Variants in ARL10 observed in about 807,000 individuals in gnomAD.
The protein encoded by ARL10 is ARF like GTPase 10.
In ARL10, 23 loss-of-function variants were observed where a neutral mutation model predicts 26.1. That is an observed-to-expected ratio of 0.88 (90% CI 0.63 to 1.25). The LOEUF is 1.25. ARL10 is among the 50% of genes most tolerant of loss of function. The probability of loss-of-function intolerance (pLI) is 0.00; values close to 1 mark genes in which losing one functional copy is unlikely to be tolerated. For synonymous variants in ARL10, 138 were observed against 149.1 expected (o/e 0.93, Z 0.54); for missense variants, 300 against 323.6 (o/e 0.93, Z 0.56).
intron 1 of ARL10, among the ~76,000 whole-genome samples, chr5:176,401,470 C>A (rs187401285): frequency 6.6e-6 from 1 of 152,208 alleles, no homozygotes; most frequent in Non-Finnish European, 1.5e-5. Flanking sequence ...GAATCCTGAA[C>A]GTCACTTCAC....
At chr5:176,366,893 C>T (rs1289473956) in intron 2 of ARL10, among the ~76,000 whole-genome samples, 1 of 152,134 alleles carries the variant, frequency 6.6e-6, no homozygotes, top group Admixed American at 6.5e-5. Flanking sequence ...TAAGAAAACT[C>T]CCCTAAACAA....
At chr5:176,384,726 C>T (rs1755697011), downstream of ARL10, 2 of 367,248 alleles carry the variant, frequency 5.4e-6, no homozygotes, top group South Asian at 4.5e-5. Flanking sequence ...GCCATGATCA[C>T]ACCACTGAAC....
rs905843995 is a variant in ARL10 at position 176,374,031 on chromosome 5, G to A, written c.*2136G>A. The A allele has an allele frequency of 2.0e-5, 3 of 152,110 alleles. No homozygotes were observed. Among genetic ancestry groups the A allele is most frequent in the South Asian group, 2.1e-4 (1 of 4,834 alleles). The allele number at this position is 152,110 out of a possible 1,614,324, so 9.4% of individuals were successfully genotyped here. On this transcript the variant is annotated 3_prime_UTR_variant, in exon 4 of 4. Transcript: ENST00000310389. ...AGCCAGAGAAACGAAAATAACTTAGGTTGCCTGATTGGCTGCAGTCTGGCA... is the reference window on the plus strand; with the variant it reads ...AGCCAGAGAAACGAAAATAACTTAGATTGCCTGATTGGCTGCAGTCTGGCA...
chr5:176,412,508 T>G, the ARL10 span, among the ~76,000 whole-genome samples: 2 of 152,274 alleles, frequency 1.3e-5, no homozygotes, highest in East Asian at 3.9e-4. Context: ...TCTGCAAGGC[T>G]CTCAGAAACT....
At chr5:176,367,200 G>C (rs1416936700) in intron 2 of ARL10, among the ~76,000 whole-genome samples, 3 of 151,880 alleles carry the variant, frequency 2.0e-5, no homozygotes, top group Non-Finnish European at 4.4e-5. Flanking sequence ...TAGAGACGGG[G>C]GTTTCACCAC....
At chr5:176,406,522 G>A (rs1014045198), downstream of ARL10, 3 of 1,252,492 alleles carry the variant, frequency 2.4e-6, no homozygotes, top group African/African-American at 1.6e-5. Context: ...AAGCTAAAAG[G>A]AGGATGATGG....
At chr5:176,384,781 C>T, downstream of ARL10, 1 of 369,864 alleles carries the variant, frequency 2.7e-6, no homozygotes, top group Non-Finnish European at 4.8e-6. Flanking sequence ...AAAAAAAGAC[C>T]AGGAAGGCCT....
At chr5:176,388,350 G>A in exon 2 of ARL10, 3 of 1,613,634 alleles carry the variant, frequency 1.9e-6, no homozygotes, top group Non-Finnish European at 2.5e-6. Context: ...GGAGCTACCG[G>A]CAAAGAGAGA....
At chr5:176,388,579 C>A in exon 2 of ARL10, 1 of 1,558,404 alleles carries the variant, frequency 6.4e-7, no homozygotes, top group Non-Finnish European at 8.8e-7. Context: ...CACGCTGCCT[C>A]TGTCTCTCAG....
At chr5:176,383,934 T>C, downstream of ARL10, 1 of 1,470,908 alleles carries the variant, frequency 6.8e-7, no homozygotes, top group Non-Finnish European at 9.0e-7. Context: ...AAATACAAAA[T>C]CATCAGAGAA....
At chr5:176,384,874 AG>A, downstream of ARL10, 1 of 498,134 alleles carries the variant, frequency 2.0e-6, no homozygotes, top group Non-Finnish European at 3.5e-6. Flanking sequence ...ACTTGGGCCC[AG>A]GGGTCCAGTG....
the ARL10 span, among the ~76,000 whole-genome samples, chr5:176,410,881 G>C: frequency 1.3e-5 from 2 of 152,192 alleles, no homozygotes; most frequent in Non-Finnish European, 2.9e-5. Context: ...AAGGAATTAA[G>C]TTTGCCCTCA....
downstream of ARL10, among the ~76,000 whole-genome samples, chr5:176,404,881 T>C (rs1757029068): frequency 6.6e-6 from 1 of 152,194 alleles, no homozygotes; most frequent in South Asian, 2.1e-4. Flanking sequence ...CAGAACCCCC[T>C]GCCAGTGTCC....
rs569041594 is a variant in ARL10 at position 176,368,272 on chromosome 5, G to A, written c.386-535G>A. Among the ~76,000 whole-genome samples, 2 of 152,326 alleles carry A rather than the reference G, an allele frequency of 1.3e-5. No homozygotes were observed. Among genetic ancestry groups the A allele is most frequent in the African/African-American group, 4.8e-5 (2 of 41,552 alleles). On this transcript the variant is annotated intron_variant, in intron 2 of 3. Transcript: ENST00000310389. The surrounding 1 kb of genome is among the most constrained non-coding windows in gnomAD (Gnocchi z 4.1). Reference sequence around the variant, plus strand: ...GGGAAACTGAATGGAGAATGGCTGTGTATAGGCAGGGCAGGGGGTCCTGAG... The same window carrying A: ...GGGAAACTGAATGGAGAATGGCTGTATATAGGCAGGGCAGGGGGTCCTGAG...
chr5:176,392,685 C>T (rs897935351), downstream of ARL10: 166 of 1,469,040 alleles, frequency 1.1e-4, no homozygotes, highest in Non-Finnish European at 1.5e-4. This position sits in a 1 kb window ranked among gnomAD's most constrained non-coding sequence, Gnocchi z 5.2. Context: ...TGGGTAGCAG[C>T]TGCTGCGAGT....
At position 176,368,277 on chromosome 5, in the gene ARL10, G is replaced by A. The variant is rs924206465; in HGVS notation, c.386-530G>A. ...ACTGAATGGAGAATGGCTGTGTATA[G>A]GCAGGGCAGGGGGTCCTGAGTTTTC... On this transcript the variant is annotated intron_variant, in intron 2 of 3. Transcript: ENST00000310389. The surrounding 1 kb of genome is among the most constrained non-coding windows in gnomAD (Gnocchi z 4.1). Among the ~76,000 whole-genome samples, 4 of 152,156 alleles carry A rather than the reference G, an allele frequency of 2.6e-5. No individual in the cohort carries two copies. The highest frequency in any genetic ancestry group is 2.6e-4 in the Admixed American group (4 of 15,282).
intron 1 of ARL10, chr5:176,401,604 G>A (rs1756819767): frequency 2.5e-6 from 1 of 395,342 alleles, no homozygotes; most frequent in African/African-American, 2.1e-5. Flanking sequence ...ACATCCACAT[G>A]GCATCGAGAC....
the ARL10 span, among the ~76,000 whole-genome samples, chr5:176,409,638 C>T: frequency 6.6e-6 from 1 of 151,936 alleles, no homozygotes; most frequent in Non-Finnish European, 1.5e-5. Context: ...TGGTCTTGAA[C>T]TCTGACCTCA....
At chr5:176,392,539 C>G (rs552685865), downstream of ARL10, 2 of 531,982 alleles carry the variant, frequency 3.8e-6, no homozygotes, top group South Asian at 2.9e-5. This position sits in a 1 kb window ranked among gnomAD's most constrained non-coding sequence, Gnocchi z 5.2. Context: ...AAAAATACAT[C>G]AGGAGGGACA....
Sources: allele counts gnomAD v4.1 joint callset (sites outside exome capture counted in the v4.1 genomes callset), GRCh38; gene constraint gnomAD v4.1.1; non-coding constraint Gnocchi (gnomAD v3.1); transcripts MANE v1.5; gene names NCBI Gene and HGNC (gene_info 2026-07-23, HGNC 2026-07-21).